KANK1: variants seen among roughly 807,000 people sequenced by gnomAD.
The protein encoded by KANK1 is KN motif and ankyrin repeat domain-containing protein 1.
A neutral mutation model predicts 106.2 loss-of-function variants in KANK1; 109 were observed. That is an observed-to-expected ratio of 1.03 (90% CI 0.88 to 1.20). KANK1 has a LOEUF of 1.20. Ranked by LOEUF, KANK1 falls within the 50% of genes most tolerant of loss-of-function variation. The probability of loss-of-function intolerance (pLI) is 0.00; values close to 1 mark genes in which losing one functional copy is unlikely to be tolerated. For synonymous variants in KANK1, 873 were observed against 652.2 expected, an observed-to-expected ratio of 1.34 and a Z score of -5.16; for missense variants, 2,399 against 1,710.7, an observed-to-expected ratio of 1.40 and a Z score of -7.10.
At chr9:716,222 C>T (rs1469027520) in intron 3 of KANK1, among the ~76,000 whole-genome samples, 1 of 152,224 alleles carries the variant, frequency 6.6e-6, no homozygotes, top group Non-Finnish European at 1.5e-5. Flanking sequence ...CACATTCTTT[C>T]TCTGTCACTA....
In KANK1 at chr9:745,249, G is replaced by C. The variant is rs751126767; in HGVS notation, c.*14G>C. 1.2e-6 allele frequency: 2 copies of C among 1,613,816 alleles called. No individual in the cohort carries two copies. The highest frequency in any genetic ancestry group is 1.7e-6 in the Non-Finnish European group (2 of 1,179,734). On this transcript the variant is annotated 3_prime_UTR_variant, in exon 12 of 12. Coordinates refer to ENST00000382297, the MANE Select transcript of KANK1 (RefSeq NM_015158.5). ...TCATTTGATTGATTGTATGCAAATA[G>C]CCCTTTATTTACATGCCACTATTAA...
At chr9:671,700 T>A (rs897641900) in intron 1 of KANK1, among the ~76,000 whole-genome samples, 4 of 151,304 alleles carry the variant, frequency 2.6e-5, no homozygotes, top group African/African-American at 9.7e-5. Context: ...TTAAATGTGT[T>A]ACTCCAAGGA....
At chr9:703,825 C>T (rs896837993) in intron 2 of KANK1, among the ~76,000 whole-genome samples, 4 of 152,120 alleles carry the variant, frequency 2.6e-5, no homozygotes, top group Admixed American at 2.0e-4. Flanking sequence ...AATTCCCCTG[C>T]CTCAGCCTCC....
chr9:603,088 C>G (rs886563096), intron 1 of KANK1, among the ~76,000 whole-genome samples: 2 of 151,758 alleles, frequency 1.3e-5, no homozygotes, highest in Admixed American at 6.6e-5. Context: ...GTCTCTTATT[C>G]TCTTTTGGAA....
intron 1 of KANK1, among the ~76,000 whole-genome samples, chr9:656,171 TA>T (rs1050887022): frequency 4.6e-5 from 7 of 152,188 alleles, no homozygotes; most frequent in African/African-American, 1.7e-4. Flanking sequence ...AGGCCTGGGT[TA>T]GGGGTGAAGC....
intron 3 of KANK1, among the ~76,000 whole-genome samples, chr9:489,635 A>G (rs2058346034): frequency 6.6e-6 from 1 of 152,218 alleles, no homozygotes. Flanking sequence ...ACTGGGCTCC[A>G]CAACTACAGT....
chr9:650,861 A>G (rs536724911), intron 1 of KANK1, among the ~76,000 whole-genome samples: 2 of 152,322 alleles, frequency 1.3e-5, no homozygotes, highest in South Asian at 4.1e-4. Flanking sequence ...ATTAAAGGCT[A>G]CAAGGAAAGA....
intron 1 of KANK1, among the ~76,000 whole-genome samples, chr9:506,412 C>T (rs1563684915): frequency 1.3e-5 from 2 of 152,124 alleles, no homozygotes. Context: ...TAGAGACCCA[C>T]AAGTTGGGAA....
intron 2 of KANK1, chr9:693,685 C>G: frequency 1.0e-6 from 1 of 985,372 alleles, no homozygotes; most frequent in Non-Finnish European, 1.2e-6. Flanking sequence ...CTCCTGGGCT[C>G]TTTGCCTGCT....
intron 1 of KANK1, among the ~76,000 whole-genome samples, chr9:547,798 C>T (rs549200075): frequency 2.0e-5 from 3 of 152,318 alleles, no homozygotes; most frequent in South Asian, 4.1e-4. Flanking sequence ...CACATTTCTG[C>T]AGTGGACTAG....
intron 3 of KANK1, among the ~76,000 whole-genome samples, chr9:724,554 T>G (rs979552645): frequency 6.6e-6 from 1 of 152,042 alleles, no homozygotes. Flanking sequence ...TCCCAGAACT[T>G]TGGGAGGCCG....
chr9:649,203 A>G (rs1243329006), intron 1 of KANK1, among the ~76,000 whole-genome samples: 1 of 152,118 alleles, frequency 6.6e-6, no homozygotes. Flanking sequence ...CAGTATTTCT[A>G]TTTATTGCTA....
intron 1 of KANK1, among the ~76,000 whole-genome samples, chr9:660,563 A>G (rs78671764): frequency 0.012 from 1,877 of 152,288 alleles, 12 homozygotes; most frequent in Non-Finnish European, 0.021. Flanking sequence ...TGGCAGTGTC[A>G]AGTCTGAAAC....
At chr9:544,956 A>G (rs7040388) in intron 1 of KANK1, among the ~76,000 whole-genome samples, 1 of 151,846 alleles carries the variant, frequency 6.6e-6, no homozygotes, top group South Asian at 2.1e-4. Flanking sequence ...CAGCTTGGGT[A>G]TGTGAGGATG....
chr9:637,391 A>G (rs12002249), intron 1 of KANK1, among the ~76,000 whole-genome samples: 1 of 152,262 alleles, frequency 6.6e-6, no homozygotes, highest in East Asian at 1.9e-4. Flanking sequence ...ATGGTTCAAC[A>G]TTCATTTCAT....
intron 2 of KANK1, among the ~76,000 whole-genome samples, chr9:680,657 A>G (rs1167088836): frequency 6.6e-6 from 1 of 152,152 alleles, no homozygotes; most frequent in Non-Finnish European, 1.5e-5. Flanking sequence ...AGGATTGTAC[A>G]TTCTAGGGAC....
chr9:651,936 G>A (rs1482326031), intron 1 of KANK1, among the ~76,000 whole-genome samples: 1 of 152,152 alleles, frequency 6.6e-6, no homozygotes, highest in Non-Finnish European at 1.5e-5. Context: ...AGTATACTGG[G>A]ATTTTTGAAA....
At chr9:486,375 T>C (rs2132241004) in intron 3 of KANK1, among the ~76,000 whole-genome samples, 1 of 152,322 alleles carries the variant, frequency 6.6e-6, no homozygotes, top group Admixed American at 6.5e-5. Context: ...TCATCACCAT[T>C]ACCTCTTACA....
At chr9:702,117 G>C (rs765788665) in intron 2 of KANK1, among the ~76,000 whole-genome samples, 6 of 152,100 alleles carry the variant, frequency 3.9e-5, no homozygotes, top group African/African-American at 7.2e-5. Flanking sequence ...TTCTTTAATC[G>C]ATGCCGTTGC....
Sources: gnomAD v4.1 joint callset for allele counts (sites outside exome capture counted in the v4.1 genomes callset) on GRCh38, gnomAD v4.1.1 for gene constraint, MANE v1.5 for transcripts, NCBI Gene and HGNC (gene_info 2026-07-23, HGNC 2026-07-21) for gene names.